MCPH1: variants seen among roughly 807,000 people sequenced by gnomAD.
MCPH1 encodes microcephalin.
MCPH1 carries 104 observed loss-of-function variants against 84.5 expected under a neutral mutation model. The ratio of observed to expected loss-of-function variants is 1.23; its 90% CI spans 1.05 to 1.45. The LOEUF (loss-of-function observed/expected upper bound fraction) is 1.45, where lower values mean the gene tolerates loss of function less well. Ranked by LOEUF, MCPH1 falls within the 40% of genes most tolerant of loss-of-function variation. The pLI, the probability that MCPH1 is intolerant of heterozygous loss-of-function variation, is 0.00. For synonymous variants in MCPH1, 514 were observed against 366.8 expected (o/e 1.40, Z -4.58); for missense variants, 1,498 against 1,005.7 (o/e 1.49, Z -6.62).
chr8:6,449,407 G>A (rs1424458167), intron 8 of MCPH1, among the ~76,000 whole-genome samples: 1 of 152,178 alleles, frequency 6.6e-6, no homozygotes, highest in African/African-American at 2.4e-5. Flanking sequence ...GCCGAGGTAG[G>A]TGGATCACTT....
intron 11 of MCPH1, among the ~76,000 whole-genome samples, chr8:6,487,686 C>T (rs1029986962): frequency 2.6e-5 from 4 of 152,188 alleles, no homozygotes; most frequent in South Asian, 2.1e-4. Context: ...ATTTATTGCT[C>T]GCACTTGCAA....
intron 12 of MCPH1, among the ~76,000 whole-genome samples, chr8:6,543,005 C>T (rs1373442936): frequency 3.3e-5 from 5 of 152,110 alleles, no homozygotes; most frequent in African/African-American, 4.8e-5. Context: ...GGGAGAGGAG[C>T]GGACTTGGGA....
intron 12 of MCPH1, among the ~76,000 whole-genome samples, chr8:6,608,530 C>T (rs1563182596): frequency 6.6e-6 from 1 of 152,272 alleles, no homozygotes; most frequent in East Asian, 1.9e-4. Flanking sequence ...CAGCAGGACT[C>T]ACTTGCTAAG....
At chr8:6,569,793 G>A (rs1191302432) in intron 12 of MCPH1, among the ~76,000 whole-genome samples, 1 of 152,154 alleles carries the variant, frequency 6.6e-6, no homozygotes, top group African/African-American at 2.4e-5. Flanking sequence ...TTTAGTACTG[G>A]CCGTCACCTC....
intron 12 of MCPH1, chr8:6,514,847 A>T: frequency 7.4e-7 from 1 of 1,354,778 alleles, no homozygotes; most frequent in Non-Finnish European, 1.0e-6. Context: ...CAGAAGCAGG[A>T]GGAATGTAGA....
chr8:6,624,128 C>T (rs1230431351), intron 13 of MCPH1, among the ~76,000 whole-genome samples: 1 of 152,238 alleles, frequency 6.6e-6, no homozygotes, highest in African/African-American at 2.4e-5. Flanking sequence ...CCGCTCGGCT[C>T]TCCCGCCCGT....
At chr8:6,597,335 T>G (rs1409080164) in intron 12 of MCPH1, among the ~76,000 whole-genome samples, 1 of 152,158 alleles carries the variant, frequency 6.6e-6, no homozygotes, top group Non-Finnish European at 1.5e-5. Flanking sequence ...ATTGTCTTAT[T>G]TTTTCGGCTT....
At chr8:6,434,949 T>C (rs1160098578) in intron 4 of MCPH1, among the ~76,000 whole-genome samples, 1 of 152,122 alleles carries the variant, frequency 6.6e-6, no homozygotes, top group East Asian at 1.9e-4. Flanking sequence ...AGACGGGAAG[T>C]CAATGGGCAG....
intron 3 of MCPH1, among the ~76,000 whole-genome samples, chr8:6,429,260 C>A (rs369518918): frequency 2.0e-5 from 3 of 152,128 alleles, no homozygotes; most frequent in Admixed American, 6.5e-5. Context: ...TCCTTTGAGT[C>A]CAGAGCTTCT....
In MCPH1 at chr8:6,487,254, T is replaced by G. The variant is rs149096239; in HGVS notation, c.2136+6378T>G. Among the ~76,000 whole-genome samples the G allele has an allele frequency of 4.7e-4, 71 of 152,386 alleles. 1 individual carries two copies. Among genetic ancestry groups the G allele is most frequent in the African/African-American group, 1.7e-3 (70 of 41,594 alleles). ...AGTGTTTTCTTAATCAAAAATGATT[T>G]CATGATGACTATTTTCTTGAGATAA... On this transcript the variant is annotated intron_variant, in intron 11 of 13. Coordinates refer to ENST00000344683, the MANE Select transcript of MCPH1 (RefSeq NM_024596.5).
intron 12 of MCPH1, among the ~76,000 whole-genome samples, chr8:6,542,306 G>C (rs1208596708): frequency 6.6e-6 from 1 of 152,060 alleles, no homozygotes; most frequent in Non-Finnish European, 1.5e-5. Flanking sequence ...GTGTGTGTGT[G>C]TGTGTATCTG....
chr8:6,447,799 T>C (rs2129556087), intron 8 of MCPH1, among the ~76,000 whole-genome samples: 1 of 152,306 alleles, frequency 6.6e-6, no homozygotes, highest in Admixed American at 6.5e-5. Context: ...TCTACCCTCC[T>C]CGGCCTCCCA....
chr8:6,445,528 A>G lies in MCPH1; in HGVS notation c.1806A>G (p.Leu602=). The change falls in exon 8 of 14, where the codon TTA becomes TTG. Residue 602 remains leucine, a synonymous_variant. Transcript: ENST00000344683. The stretch of plus-strand genomic sequence containing the variant: ...CGTCTACAGAAGAGAAGGAAAACTT[A>G]CCCGGAGGATACAGTGGAAGTATGT... ...METSTEEKEN[L]PGGYSGSVKN... 1 of 1,605,100 alleles carries G rather than the reference A, an allele frequency of 6.2e-7. No homozygotes were observed. Among genetic ancestry groups the G allele is most frequent in the Non-Finnish European group, 8.5e-7 (1 of 1,176,690 alleles).
chr8:6,531,533 C>G (rs1456795634), intron 12 of MCPH1, among the ~76,000 whole-genome samples: 1 of 152,124 alleles, frequency 6.6e-6, no homozygotes, highest in Non-Finnish European at 1.5e-5. Flanking sequence ...CTCAGGTGAT[C>G]CACCCATCTC....
intron 12 of MCPH1, among the ~76,000 whole-genome samples, chr8:6,511,534 G>C (rs1759988278): frequency 6.6e-6 from 1 of 152,044 alleles, no homozygotes; most frequent in South Asian, 2.1e-4. Context: ...TCCAACACTT[G>C]GGGAACATTT....
rs139513484 is a variant in MCPH1 at position 6,627,245 on chromosome 8, C to T, written c.2452+5554C>T. Reference sequence around the variant, plus strand: ...AGATATGTGAGGCTTGATCAGTCACCGCAGTCCACATCTCCATTGCCTCGA... The same window carrying T: ...AGATATGTGAGGCTTGATCAGTCACTGCAGTCCACATCTCCATTGCCTCGA... On this transcript the variant is annotated intron_variant, in intron 13 of 13. Coordinates refer to ENST00000344683, the MANE Select transcript of MCPH1 (RefSeq NM_024596.5). 1,259 of 985,414 alleles carry T rather than the reference C, an allele frequency of 1.3e-3. 9 individuals carry two copies. The African/African-American group carries it at 0.018, about 14-fold the overall frequency. 61.0% of individuals were successfully genotyped at this position (985,414 alleles called of 1,614,324 possible). A position where few individuals can be genotyped will look rare whatever the true frequency, so the allele number is the denominator to read the frequency against.
intron 9 of MCPH1, among the ~76,000 whole-genome samples, chr8:6,466,136 T>G (rs1256265741): frequency 7.3e-6 from 1 of 137,204 alleles, no homozygotes; most frequent in Admixed American, 7.2e-5. Flanking sequence ...TGGATTTTTT[T>G]TTTTTTTTTT....
At chr8:6,517,747 C>T (rs1193358432) in intron 12 of MCPH1, among the ~76,000 whole-genome samples, 1 of 152,128 alleles carries the variant, frequency 6.6e-6, no homozygotes, top group Non-Finnish European at 1.5e-5. Context: ...AAACTGAGCT[C>T]TCAGAAAGGT....
chr8:6,551,218 G>A (rs1038304651), intron 12 of MCPH1, among the ~76,000 whole-genome samples: 8 of 149,484 alleles, frequency 5.4e-5, no homozygotes, highest in African/African-American at 2.0e-4. Flanking sequence ...TGAGAGGGCT[G>A]CTTATTCGTG....
Sources: allele counts gnomAD v4.1 joint callset (sites outside exome capture counted in the v4.1 genomes callset), GRCh38; gene constraint gnomAD v4.1.1; transcripts MANE v1.5; gene names NCBI Gene and HGNC (gene_info 2026-07-23, HGNC 2026-07-21).